The following RBM20 variants were observed in gnomAD, a reference collection of about 807,000 sequenced individuals.
RBM20 encodes the protein RNA-binding protein 20.
A neutral mutation model predicts 110.1 loss-of-function variants in RBM20; 51 were observed. The observed-to-expected ratio is 0.46, with a 90% confidence interval of 0.37 to 0.59. The LOEUF (loss-of-function observed/expected upper bound fraction) is 0.59. RBM20 is among the 20% of genes least tolerant of loss of function. The pLI is 0.00. For synonymous variants in RBM20, 589 were observed against 618.2 expected (o/e 0.95, Z 0.70); for missense variants, 1,512 against 1,574.9 (o/e 0.96, Z 0.68).
At chr10:110,773,426 C>T (rs193256873) in intron 1 of RBM20, among the ~76,000 whole-genome samples, 107 of 152,212 alleles carry the variant, frequency 7.0e-4, no homozygotes, top group Middle Eastern at 3.4e-3. Flanking sequence ...AGCATTTATT[C>T]ATTTTGGATA....
chr10:110,734,864 C>T lies in RBM20; in HGVS notation c.192-45937C>T, dbSNP rs185329611. ...CTTTTGGTCAACTACAATCTGAAAA[C>T]GTTAAATGGGAAATGCCAGAAATAA... On this transcript the variant is annotated intron_variant, in intron 1 of 13. Transcript: ENST00000369519. 2.4e-3 allele frequency among the ~76,000 whole-genome samples: 366 copies of T among 152,140 alleles called. 2 individuals are homozygous for T. The highest frequency in any genetic ancestry group is 8.1e-3 in the African/African-American group (337 of 41,490).
At chr10:110,751,798 A>G (rs1179912231) in intron 1 of RBM20, among the ~76,000 whole-genome samples, 2 of 152,228 alleles carry the variant, frequency 1.3e-5, no homozygotes, top group East Asian at 3.8e-4. Context: ...AAATTAAAAA[A>G]AACTCTATTG....
chr10:110,824,888 C>T (rs1240758723), intron 12 of RBM20, among the ~76,000 whole-genome samples: 1 of 152,160 alleles, frequency 6.6e-6, no homozygotes, highest in Non-Finnish European at 1.5e-5. Context: ...TGCCTGATGA[C>T]CACGTGTCTG....
rs537920321 is a variant in RBM20 at position 110,710,258 on chromosome 10, G to A, written c.191+65613G>A. On this transcript the variant is annotated intron_variant, in intron 1 of 13. Transcript: ENST00000369519. Reference sequence around the variant, plus strand: ...TGGGTTTTCGCGCAACAAGCTGGTGGTCATGCTGAACTGGATATTCCGCAA... The same window carrying A: ...TGGGTTTTCGCGCAACAAGCTGGTGATCATGCTGAACTGGATATTCCGCAA... Among the ~76,000 whole-genome samples, 7 of 152,296 alleles carry A rather than the reference G, an allele frequency of 4.6e-5. No homozygotes were observed. In the South Asian group the frequency reaches 1.5e-3, roughly 32 times the overall value.
intron 9 of RBM20, among the ~76,000 whole-genome samples, chr10:110,815,736 A>T (rs1844829545): frequency 6.6e-6 from 1 of 152,198 alleles, no homozygotes; most frequent in Non-Finnish European, 1.5e-5. Context: ...TTTGTATAAC[A>T]TTGCTCATTT....
chr10:110,708,036 A>AAATT (rs1862868058), intron 1 of RBM20, among the ~76,000 whole-genome samples: 2 of 152,200 alleles, frequency 1.3e-5, no homozygotes, highest in South Asian at 4.1e-4. Flanking sequence ...TAACAATAAA[A>AAATT]AATTAAAGAA....
At chr10:110,799,680 G>A in intron 6 of RBM20, 107 bp from the exon 7 acceptor site, 3 of 1,121,714 alleles carry the variant, frequency 2.7e-6, no homozygotes, top group Non-Finnish European at 3.7e-6. Context: ...CCGTTGATTA[G>A]TTTTGCCTGT....
chr10:110,644,486 C>G lies in RBM20; in HGVS notation c.32C>G (p.Ala11Gly), dbSNP rs794726895. 6.6e-7 allele frequency: 1 copy of G among 1,521,604 alleles called. No individual in the cohort carries two copies. The highest frequency in any genetic ancestry group is 2.6e-5 in the East Asian group (1 of 38,230). 94.3% of individuals were successfully genotyped at this position (1,521,604 alleles called of 1,614,324 possible). Residue 11 changes from alanine (A) to glycine (G), a missense_variant, in exon 1 of 14, where the codon GCG becomes GGG. This residue lies in a region of RBM20 where 1,149 missense variants were observed against 1,169.4 expected (regional missense o/e 0.98). Coordinates refer to ENST00000369519, the MANE Select transcript of RBM20 (RefSeq NM_001134363.3). The surrounding 1 kb of genome is among the most constrained non-coding windows in gnomAD (Gnocchi z 4.3). ...CTGGCAGCAGCCATGAGCCAGGACG[C>G]GGACCCCAGCGGTCCGGAGCAGCCG... MVLAAAMSQD[A>G]DPSGPEQPDR...
At position 110,644,588 on chromosome 10, in the gene RBM20, C is replaced by T. The variant is rs1036333804; in HGVS notation, c.134C>T (p.Pro45Leu). The T allele has an allele frequency of 1.4e-5, 22 of 1,524,220 alleles. No individual in the cohort carries two copies. The highest frequency in any genetic ancestry group is 1.6e-5 in the Non-Finnish European group (18 of 1,139,850). The allele number at this position is 1,524,220 out of a possible 1,614,324, so 94.4% of individuals were successfully genotyped here. The change falls in exon 1 of 14, where the codon CCG becomes CTG. Residue 45 changes from proline (P) to leucine (L), a missense_variant. Physicochemically the swap from Pro to Leu is moderately conservative, Grantham distance 98. Around this residue, in one of 3 missense-constraint regions of RBM20, gnomAD observed 1,149 missense variants for 1,169.4 expected, o/e 0.98. Coordinates refer to ENST00000369519, the MANE Select transcript of RBM20 (RefSeq NM_001134363.3). This position sits in a 1 kb window ranked among gnomAD's most constrained non-coding sequence, Gnocchi z 4.3. ...GGCCCGCGAGGGATGCAGCAGCCGC[C>T]GCCGCCGCCCCAGCCACCGCCCCCG... ...PSGPRGMQQP[P>L]PPPQPPPPPQ...
At chr10:110,829,335 G>A (rs1451604562) in intron 12 of RBM20, among the ~76,000 whole-genome samples, 1 of 152,202 alleles carries the variant, frequency 6.6e-6, no homozygotes, top group Non-Finnish European at 1.5e-5. Context: ...GCCCAAGCTG[G>A]GGCCACTTTT....
chr10:110,701,403 T>C (rs576536856), intron 1 of RBM20, among the ~76,000 whole-genome samples: 3 of 152,292 alleles, frequency 2.0e-5, no homozygotes, highest in Non-Finnish European at 4.4e-5. Flanking sequence ...TTCTCCTTTT[T>C]TTCTGAATGG....
rs112226602 is a variant in RBM20, at chr10:110,781,636, C to T, written c.1027C>T (p.His343Tyr). The change falls in exon 2 of 14, where the codon CAC (histidine) becomes TAC (tyrosine). Residue 343 changes from histidine to tyrosine, a missense_variant. By Grantham distance (83) the His-to-Tyr change is moderately conservative. Coordinates refer to ENST00000369519, the MANE Select transcript of RBM20 (RefSeq NM_001134363.3). ...LTAGPMWPPP[H>Y]NQPYELYDPE... ...AGCAGGTCCCATGTGGCCTCCACCCCACAACCAGCCCTATGAGCTGTACGA... is the reference window on the plus strand; with the variant it reads ...AGCAGGTCCCATGTGGCCTCCACCCTACAACCAGCCCTATGAGCTGTACGA... 9.6e-5 allele frequency: 148 copies of T among 1,549,528 alleles called. No individual in the cohort carries two copies. The highest frequency in any genetic ancestry group is 6.7e-4 in the Middle Eastern group (4 of 5,980).
At chr10:110,773,321 G>A (rs2135027320) in intron 1 of RBM20, among the ~76,000 whole-genome samples, 1 of 152,296 alleles carries the variant, frequency 6.6e-6, no homozygotes, top group East Asian at 1.9e-4. Context: ...AGATGAAGGT[G>A]GGATTGAACT....
chr10:110,674,719 GTGTTTTTGAGGC>G (rs1862312768), intron 1 of RBM20, among the ~76,000 whole-genome samples: 1 of 152,206 alleles, frequency 6.6e-6, no homozygotes, highest in Non-Finnish European at 1.5e-5. Context: ...ACAAGGTCTG[GTGTTTTTGAGGC>G]TGTCGATGTA....
intron 1 of RBM20, among the ~76,000 whole-genome samples, chr10:110,667,331 C>G (rs779741543): frequency 1.3e-5 from 2 of 152,180 alleles, no homozygotes; most frequent in Non-Finnish European, 2.9e-5. Context: ...TTCTTGGGGA[C>G]CTTGGGCCAC....
intron 12 of RBM20, among the ~76,000 whole-genome samples, chr10:110,827,110 G>A (rs557875614): frequency 1.1e-3 from 169 of 152,246 alleles, no homozygotes; most frequent in Non-Finnish European, 2.0e-3. Context: ...TGACAGGTGA[G>A]GAAACTGAAG....
intron 1 of RBM20, among the ~76,000 whole-genome samples, chr10:110,672,731 G>A (rs1862280830): frequency 6.6e-6 from 1 of 152,226 alleles, no homozygotes; most frequent in Admixed American, 6.5e-5. Flanking sequence ...AGTGCCCCCA[G>A]AGTGCTAGGT....
chr10:110,682,772 G>C (rs1443924549), intron 1 of RBM20, among the ~76,000 whole-genome samples: 1 of 152,120 alleles, frequency 6.6e-6, no homozygotes, highest in Non-Finnish European at 1.5e-5. Flanking sequence ...ATATTTCAGG[G>C]GAGCTACTGT....
intron 1 of RBM20, among the ~76,000 whole-genome samples, chr10:110,758,096 G>A (rs1297948540): frequency 1.5e-5 from 2 of 130,484 alleles, no homozygotes; most frequent in Non-Finnish European, 3.1e-5. Context: ...TCAGCTCACT[G>A]CAATCTCCAG....
Sources: allele counts gnomAD v4.1 joint callset (sites outside exome capture counted in the v4.1 genomes callset), GRCh38; gene constraint gnomAD v4.1.1; regional missense constraint gnomAD v4.1.1; non-coding constraint Gnocchi (gnomAD v3.1); transcripts MANE v1.5; gene names NCBI Gene and HGNC (gene_info 2026-07-23, HGNC 2026-07-21).